The following PITPNA variants were observed in gnomAD, a reference collection of about 807,000 sequenced individuals.
PITPNA encodes the protein phosphatidylinositol transfer protein alpha isoform.
Under a neutral mutation model 50.3 loss-of-function variants are expected in PITPNA, and 13 were observed. The ratio of observed to expected loss-of-function variants is 0.26; its 90% CI spans 0.17 to 0.41. The LOEUF (loss-of-function observed/expected upper bound fraction) is 0.41. Ranked by LOEUF, PITPNA falls within the 10% of genes least tolerant of loss-of-function variation. The pLI is 1.00. For synonymous variants in PITPNA, 120 were observed against 119.6 expected (o/e 1.00, Z -0.02); for missense variants, 207 against 333.4 (o/e 0.62, Z 2.95).
At chr17:1,536,078 A>G (rs1465952604) in intron 7 of PITPNA, among the ~76,000 whole-genome samples, 1 of 152,166 alleles carries the variant, frequency 6.6e-6, no homozygotes, top group Admixed American at 6.5e-5. Flanking sequence ...GAACCTATCC[A>G]CTACTGGTGA....
chr17:1,552,680 T>G (rs1338771477), intron 3 of PITPNA, among the ~76,000 whole-genome samples: 1 of 152,186 alleles, frequency 6.6e-6, no homozygotes, highest in Non-Finnish European at 1.5e-5. Flanking sequence ...TGGAAATGAC[T>G]AGAAATATGC....
At chr17:1,561,979 C>T (rs190782537) in intron 1 of PITPNA, among the ~76,000 whole-genome samples, 1,889 of 152,260 alleles carry the variant, frequency 0.012, 43 homozygotes, top group African/African-American at 0.043. Context: ...TCGGCCGCCG[C>T]GGGGCCTCTC....
intron 2 of PITPNA, among the ~76,000 whole-genome samples, chr17:1,555,500 A>T (rs898424160): frequency 7.2e-5 from 11 of 152,240 alleles, no homozygotes; most frequent in African/African-American, 1.7e-4. Context: ...AATCAGATTT[A>T]AAAAACTCCA....
At position 1,518,538 on chromosome 17, in the gene PITPNA, C is replaced by G. The variant is rs886723264; in HGVS notation, c.*2023G>C. The G allele has an allele frequency of 6.5e-6, 1 of 152,698 alleles. No individual in the cohort carries two copies. The highest frequency in any genetic ancestry group is 2.4e-5 in the African/African-American group (1 of 41,454). The allele number at this position is 152,698 out of a possible 1,614,324, so 9.5% of individuals were successfully genotyped here. A position where few individuals can be genotyped will look rare whatever the true frequency, so the allele number is the denominator to read the frequency against. ...GTTTATGTGGGCTGCAATTCCAGAT[C>G]CAGGCTGACCTCAGCTCATAATGGA... On this transcript the variant is annotated 3_prime_UTR_variant, in exon 12 of 12. Transcript: ENST00000313486.
At chr17:1,534,289 T>C (rs188194986) in intron 9 of PITPNA, 68 bp from the exon 10 acceptor site, 15 of 1,598,616 alleles carry the variant, frequency 9.4e-6, no homozygotes, top group Non-Finnish European at 1.3e-5. Flanking sequence ...CTTCTCTCCA[T>C]GCACTCCACA....
intron 10 of PITPNA, 61 bp from the exon 11 acceptor site, chr17:1,521,706 T>G: frequency 7.0e-7 from 1 of 1,419,424 alleles, no homozygotes; most frequent in South Asian, 1.1e-5. Context: ...TCCTGCCTTC[T>G]CAGTCCTGCC....
At chr17:1,535,648 A>C (rs973052182) in intron 7 of PITPNA, 130 bp from the exon 8 acceptor site, 187 of 690,650 alleles carry the variant, frequency 2.7e-4, no homozygotes, top group Non-Finnish European at 2.7e-4. Context: ...AAATATGGGA[A>C]AATGTTATAA....
intron 4 of PITPNA, among the ~76,000 whole-genome samples, chr17:1,544,250 T>C (rs1485675740): frequency 6.6e-6 from 1 of 152,240 alleles, no homozygotes; most frequent in Non-Finnish European, 1.5e-5. Context: ...TGGTTTCTCA[T>C]GTAGAAGAAT....
rs543095209 is a variant in PITPNA, at chr17:1,548,333, G to A, written c.252C>T (p.His84=). Residue 84 remains histidine (H), a synonymous_variant, in exon 4 of 12, where the codon CAC becomes CAT. Coordinates refer to ENST00000313486, the MANE Select transcript of PITPNA (RefSeq NM_006224.4). ...AGGGGTAAGCATTCCAGGCTTTCTC[G>A]TGTATATTCAGGGCTCCCTCTGGGG... The part of the protein sequence containing the change: ...MLAPEGALNI[H]EKAWNAYPYC... 6.2e-7 allele frequency: 1 copy of A among 1,608,896 alleles called. No homozygotes were observed. Among genetic ancestry groups the A allele is most frequent in the Non-Finnish European group, 8.5e-7 (1 of 1,177,862 alleles).
intron 9 of PITPNA, among the ~76,000 whole-genome samples, chr17:1,534,648 A>G (rs2075603914): frequency 6.6e-6 from 1 of 151,608 alleles, no homozygotes; most frequent in African/African-American, 2.4e-5. Context: ...AGGCTCTAAA[A>G]CTCCTTAGAC....
rs2075775022 is a variant in PITPNA at position 1,562,740 on chromosome 17, C to A, written c.-180G>T. The A allele has an allele frequency of 4.8e-6, 1 of 207,772 alleles. No homozygotes were observed. Among genetic ancestry groups the A allele is most frequent in the Non-Finnish European group, 8.5e-6 (1 of 117,582 alleles). The allele number at this position is 207,772 out of a possible 1,614,324, so 12.9% of individuals were successfully genotyped here. A position where few individuals can be genotyped will look rare whatever the true frequency, so the allele number is the denominator to read the frequency against. On this transcript the variant is annotated 5_prime_UTR_variant, in exon 1 of 12. Transcript: ENST00000313486. This position sits in a 1 kb window ranked among gnomAD's most constrained non-coding sequence, Gnocchi z 6.4. ...GGCTCCTGCCGCCCGGGCCTCGTCG[C>A]CTCTCGCGCCGCTGCCGACGCCGCC...
intron 4 of PITPNA, among the ~76,000 whole-genome samples, chr17:1,545,224 C>G (rs1364567936): frequency 2.0e-5 from 3 of 152,188 alleles, no homozygotes; most frequent in Non-Finnish European, 4.4e-5. Context: ...ACAGCAAGAG[C>G]TGATCATTAC....
In PITPNA at chr17:1,562,491, C is replaced by T; in HGVS notation, c.20+50G>A. 7.2e-7 allele frequency: 1 copy of T among 1,383,606 alleles called. No individual in the cohort carries two copies. The highest frequency in any genetic ancestry group is 9.5e-7 in the Non-Finnish European group (1 of 1,051,540). 85.7% of individuals were successfully genotyped at this position (1,383,606 alleles called of 1,614,324 possible). ...CTCGCCGCGCCGTCGCCCCGGCGGC[C>T]GTCCCCACCCTCCCTCCTCCCCGCT... On this transcript the variant is annotated intron_variant, in intron 1 of 11. Coordinates refer to ENST00000313486, the MANE Select transcript of PITPNA (RefSeq NM_006224.4). The surrounding 1 kb of genome is among the most constrained non-coding windows in gnomAD (Gnocchi z 6.4).
At chr17:1,552,245 G>A (rs568853840) in intron 3 of PITPNA, among the ~76,000 whole-genome samples, 6 of 152,332 alleles carry the variant, frequency 3.9e-5, no homozygotes, top group African/African-American at 1.4e-4. Context: ...TATGTTACGT[G>A]TACTTTATCA....
chr17:1,531,664 TAAAA>T (rs199730399), intron 10 of PITPNA, among the ~76,000 whole-genome samples: 1 of 145,226 alleles, frequency 6.9e-6, no homozygotes, highest in Non-Finnish European at 1.5e-5. Flanking sequence ...CCTCACCTCT[TAAAA>T]AAAAAAAAGA....
At chr17:1,539,840 G>C (rs953158298) in intron 6 of PITPNA, among the ~76,000 whole-genome samples, 2 of 152,228 alleles carry the variant, frequency 1.3e-5, no homozygotes, top group African/African-American at 4.8e-5. Flanking sequence ...GGGTTCAAGC[G>C]ATTATCCTAC....
intron 3 of PITPNA, among the ~76,000 whole-genome samples, chr17:1,550,807 C>T (rs184198264): frequency 6.6e-5 from 10 of 152,310 alleles, no homozygotes; most frequent in South Asian, 4.1e-4. Flanking sequence ...AAAGGGAAGC[C>T]GTCAGCAGTT....
intron 4 of PITPNA, among the ~76,000 whole-genome samples, chr17:1,545,010 AAAAT>A (rs1002202506): frequency 4.6e-5 from 7 of 152,200 alleles, no homozygotes; most frequent in African/African-American, 1.7e-4. Context: ...AAAAAAATTT[AAAAT>A]AAATAAATAA....
At chr17:1,521,461 A>G (rs980604168) in intron 11 of PITPNA, 118 bp downstream of exon 11, 1 of 725,302 alleles carries the variant, frequency 1.4e-6, no homozygotes, top group East Asian at 2.6e-5. Context: ...CGTGGCAACC[A>G]TCATTACTAG....
Sources: gnomAD v4.1 joint callset for allele counts (sites outside exome capture counted in the v4.1 genomes callset) on GRCh38, gnomAD v4.1.1 for gene constraint, Gnocchi (gnomAD v3.1) non-coding constraint, MANE v1.5 for transcripts, NCBI Gene and HGNC (gene_info 2026-07-23, HGNC 2026-07-21) for gene names.